Variants in DAB1 observed in about 807,000 individuals in gnomAD.
The protein encoded by DAB1 is disabled homolog 1.
In DAB1, 15 loss-of-function variants were observed where a neutral mutation model predicts 64.6. That is an observed-to-expected ratio of 0.23 (90% CI 0.16 to 0.36). The LOEUF is 0.36. DAB1 is among the 10% of genes least tolerant of loss of function. DAB1 has a pLI of 1.00. For missense variants in DAB1, 596 were observed against 706.7 expected, an observed-to-expected ratio of 0.84 and a Z score of 1.78; for synonymous variants, 235 against 251.9, an observed-to-expected ratio of 0.93 and a Z score of 0.64.
At chr1:58,025,651 GTATATATATATATATA>G (rs763787466) in intron 5 of DAB1, among the ~76,000 whole-genome samples, 8 of 75,292 alleles carry the variant, frequency 1.1e-4, no homozygotes, top group East Asian at 3.2e-4. Context: ...ATATATGTGT[GTATATATATATATATA>G]TATATATATA....
intron 7 of DAB1, among the ~76,000 whole-genome samples, chr1:57,500,905 C>A (rs561885692): frequency 1.3e-5 from 2 of 152,258 alleles, no homozygotes; most frequent in East Asian, 3.9e-4. Flanking sequence ...TTTTACCTGG[C>A]AAATCAAATT....
At chr1:57,366,915 A>T (rs1680045146) in intron 1 of DAB1, among the ~76,000 whole-genome samples, 1 of 151,874 alleles carries the variant, frequency 6.6e-6, no homozygotes, top group Non-Finnish European at 1.5e-5. Flanking sequence ...TGACTATATA[A>T]ATCACACAAG....
intron 5 of DAB1, among the ~76,000 whole-genome samples, chr1:58,136,988 T>C (rs1007656234): frequency 5.3e-5 from 8 of 152,054 alleles, no homozygotes; most frequent in East Asian, 1.9e-4. Context: ...CAGGAACTGA[T>C]GTGGGTATGG....
At chr1:57,197,282 T>C (rs977897743) in intron 2 of DAB1, among the ~76,000 whole-genome samples, 1 of 150,440 alleles carries the variant, frequency 6.6e-6, no homozygotes, top group African/African-American at 2.5e-5. Flanking sequence ...AGGTAGAGGT[T>C]GCTATAAGGC....
intron 4 of DAB1, among the ~76,000 whole-genome samples, chr1:58,198,357 A>C (rs771216382): frequency 4.6e-5 from 7 of 152,266 alleles, no homozygotes; most frequent in Non-Finnish European, 1.0e-4. Flanking sequence ...CGTAATATTT[A>C]TTCCTTTTTT....
chr1:58,488,525 C>G (rs532739274), intron 3 of DAB1, among the ~76,000 whole-genome samples: 3 of 152,272 alleles, frequency 2.0e-5, no homozygotes, highest in Non-Finnish European at 4.4e-5. Flanking sequence ...GATCTCAGAT[C>G]ACTGCAACCT....
rs535022232 is a variant in DAB1, at chr1:58,047,880, T to C, written n.387+102631A>G. ...TTTATTCAGCATCACGATCAGACTA[T>C]TACATTTAGCAATCAACAGCATGGG... On this transcript the variant is annotated intron_variant and non_coding_transcript_variant, in intron 5 of 20. Coordinates refer to the DAB1 transcript ENST00000485760. The C allele has an allele frequency of 6.2e-5, 21 of 340,692 alleles. No individual in the cohort carries two copies. The East Asian group carries it at 1.3e-3, about 22-fold the overall frequency. The allele number at this position is 340,692 out of a possible 1,614,324, so 21.1% of individuals were successfully genotyped here.
chr1:58,064,717 GTATTTATT>G (rs919250636), intron 5 of DAB1, among the ~76,000 whole-genome samples: 14 of 99,414 alleles, frequency 1.4e-4, no homozygotes, highest in South Asian at 7.7e-4. Context: ...ATGTATTTAT[GTATTTATT>G]TATTTATTTA....
At chr1:58,393,229 A>T (rs1351820675) in intron 3 of DAB1, among the ~76,000 whole-genome samples, 2 of 150,660 alleles carry the variant, frequency 1.3e-5, no homozygotes, top group Non-Finnish European at 2.9e-5. Context: ...TCCCAACCAA[A>T]TTTCTAGTTC....
intron 6 of DAB1, among the ~76,000 whole-genome samples, chr1:57,760,956 G>A (rs1649060154): frequency 6.6e-6 from 1 of 152,166 alleles, no homozygotes; most frequent in Admixed American, 6.6e-5. Flanking sequence ...CCTGTAGCAG[G>A]AGAAGGTGCA....
chr1:57,422,271 G>A (rs1052361345), intron 1 of DAB1, among the ~76,000 whole-genome samples: 1 of 152,208 alleles, frequency 6.6e-6, no homozygotes. Flanking sequence ...CAGCAGGAAG[G>A]GAGCAGGAAG....
intron 5 of DAB1, among the ~76,000 whole-genome samples, chr1:58,019,307 A>G (rs539077161): frequency 8.7e-4 from 132 of 152,340 alleles, no homozygotes; most frequent in Non-Finnish European, 1.6e-3. Context: ...TATGACTTCA[A>G]AGCTATAACA....
At position 58,175,080 on chromosome 1, in the gene DAB1, C is replaced by T. The variant is rs567328895; in HGVS notation, n.310-24492G>A. 4.6e-5 allele frequency among the ~76,000 whole-genome samples: 7 copies of T among 152,338 alleles called. 2 individuals carry two copies. The highest frequency in any genetic ancestry group is 1.4e-4 in the African/African-American group (6 of 41,580). ...CCTGCTCGGGTCCCCCTCCATTCTG[C>T]GGAAGCTTTGTTCTTTCACTCTTCA... On this transcript the variant is annotated intron_variant and non_coding_transcript_variant, in intron 4 of 20. Coordinates refer to the DAB1 transcript ENST00000485760.
At chr1:57,198,665 A>T (rs1221549480) in intron 2 of DAB1, among the ~76,000 whole-genome samples, 96 of 144,388 alleles carry the variant, frequency 6.6e-4, no homozygotes, top group African/African-American at 1.6e-3. Context: ...ACACACACAC[A>T]CACACACACA....
intron 2 of DAB1, among the ~76,000 whole-genome samples, chr1:57,243,080 C>T (rs767772577): frequency 9.2e-5 from 14 of 152,246 alleles, no homozygotes; most frequent in South Asian, 4.1e-4. Context: ...TCTGAGGTTC[C>T]CCTGACTGCC....
chr1:57,622,550 C>T (rs1043536055), intron 7 of DAB1, among the ~76,000 whole-genome samples: 1 of 152,174 alleles, frequency 6.6e-6, no homozygotes, highest in African/African-American at 2.4e-5. Flanking sequence ...TTAATCATGA[C>T]AACAGCAAGT....
At chr1:57,633,082 G>A (rs552902277) in intron 7 of DAB1, among the ~76,000 whole-genome samples, 2 of 152,280 alleles carry the variant, frequency 1.3e-5, no homozygotes, top group South Asian at 4.1e-4. Context: ...CTCTAAATCA[G>A]GCTCAAAGCT....
intron 7 of DAB1, among the ~76,000 whole-genome samples, chr1:57,601,306 G>C (rs368744983): frequency 3.3e-5 from 5 of 152,232 alleles, no homozygotes; most frequent in African/African-American, 1.2e-4. Flanking sequence ...CAGGTGAGTG[G>C]CTCTCACCTG....
intron 3 of DAB1, among the ~76,000 whole-genome samples, chr1:58,406,258 C>T (rs1271677798): frequency 3.9e-5 from 6 of 152,096 alleles, no homozygotes; most frequent in Non-Finnish European, 7.4e-5. Context: ...TGCAACAGAC[C>T]GTAGGAGACA....
Sources: gnomAD v4.1 joint callset for allele counts (sites outside exome capture counted in the v4.1 genomes callset) on GRCh38, gnomAD v4.1.1 for gene constraint, MANE v1.5 for transcripts, NCBI Gene and HGNC (gene_info 2026-07-23, HGNC 2026-07-21) for gene names.